The following RAB11FIP3 variants were observed in gnomAD, a reference collection of about 807,000 sequenced individuals.
The protein encoded by RAB11FIP3 is rab11 family-interacting protein 3.
Under a neutral mutation model 77.8 loss-of-function variants are expected in RAB11FIP3, and 17 were observed. The observed-to-expected ratio is 0.22, with a 90% CI of 0.15 to 0.33. The LOEUF is 0.33. Ranked by LOEUF, RAB11FIP3 falls within the 10% of genes least tolerant of loss-of-function variation. The probability of loss-of-function intolerance (pLI) is 1.00; values close to 1 mark genes in which losing one functional copy is unlikely to be tolerated. For missense variants in RAB11FIP3, 1,005 were observed against 1,011.2 expected (o/e 0.99, Z 0.08); for synonymous variants, 437 against 448.2 (o/e 0.98, Z 0.31).
rs138130141 is a variant in RAB11FIP3 at position 484,297 on chromosome 16, A to G, written c.1115+1561A>G. Among the ~76,000 whole-genome samples, 494 of 151,860 alleles carry G rather than the reference A, an allele frequency of 3.3e-3. 3 individuals carry two copies. The highest frequency in any genetic ancestry group is 0.011 in the African/African-American group (455 of 41,426). On this transcript the variant is annotated intron_variant, in intron 4 of 13. Coordinates refer to ENST00000262305, the MANE Select transcript of RAB11FIP3 (RefSeq NM_014700.4). Reference sequence around the variant, plus strand: ...GCATCTTCCTTAAGTTCCCCCACACAGGGAGGTCCTTCCTGTGCCTGGCTT... The same window carrying G: ...GCATCTTCCTTAAGTTCCCCCACACGGGGAGGTCCTTCCTGTGCCTGGCTT...
intron 4 of RAB11FIP3, among the ~76,000 whole-genome samples, chr16:484,513 G>A (rs1332171360): frequency 2.6e-5 from 4 of 152,194 alleles, no homozygotes; most frequent in East Asian, 3.9e-4. Context: ...CACCACGCCC[G>A]GCTAATATTT....
intron 9 of RAB11FIP3, among the ~76,000 whole-genome samples, chr16:511,009 G>A (rs866110681): frequency 8.6e-5 from 12 of 139,740 alleles, no homozygotes; most frequent in African/African-American, 2.2e-4. Flanking sequence ...GAAGTTCCCC[G>A]AAAGTCCGCC....
At position 425,710 on chromosome 16, in the gene RAB11FIP3, C is replaced by A. The variant is rs1596170438; in HGVS notation, c.-297C>A. 2 of 296,704 alleles carry A rather than the reference C, an allele frequency of 6.7e-6. No homozygotes were observed. The highest frequency in any genetic ancestry group is 1.4e-4 in the South Asian group (1 of 6,928). 18.4% of individuals were successfully genotyped at this position (296,704 alleles called of 1,614,324 possible). On this transcript the variant is annotated 5_prime_UTR_variant, in exon 1 of 14. Transcript: ENST00000262305. ...CGCGGCCTCCGGCCTCCTCGGCCCC[C>A]GTCCCCCGGCCTCCTCGGCCCCCGT... is the stretch of plus-strand genomic sequence containing the variant.
At chr16:499,416 G>A (rs928170680) in intron 6 of RAB11FIP3, among the ~76,000 whole-genome samples, 17 of 152,296 alleles carry the variant, frequency 1.1e-4, no homozygotes, top group East Asian at 7.7e-4. Context: ...AGGATGGGGC[G>A]CAGCCTGCAG....
chr16:511,170 C>T (rs1409959465), intron 9 of RAB11FIP3, among the ~76,000 whole-genome samples: 1 of 120,700 alleles, frequency 8.3e-6, no homozygotes, highest in Non-Finnish European at 1.7e-5. Context: ...GCCCGCCAAC[C>T]CCAGAACCTG....
intron 4 of RAB11FIP3, 31 bp downstream of exon 4, chr16:482,767 G>C (rs1307338459): frequency 1.9e-6 from 3 of 1,559,648 alleles, no homozygotes; most frequent in Non-Finnish European, 2.6e-6. Context: ...CTCCTGGAGA[G>C]GCCTTGGGAT....
intron 8 of RAB11FIP3, among the ~76,000 whole-genome samples, chr16:508,670 G>A (rs192310230): frequency 1.3e-4 from 20 of 152,066 alleles, no homozygotes; most frequent in Admixed American, 1.1e-3. Context: ...CACCGCGCCT[G>A]GCCTAGGTTT....
chr16:497,641 G>C (rs2031243924), intron 6 of RAB11FIP3, among the ~76,000 whole-genome samples: 1 of 152,176 alleles, frequency 6.6e-6, no homozygotes, highest in African/African-American at 2.4e-5. Context: ...TCCCCACACT[G>C]GTGGGTTCCT....
intron 1 of RAB11FIP3, among the ~76,000 whole-genome samples, chr16:440,997 T>TC (rs2055215769): frequency 6.6e-6 from 1 of 152,048 alleles, no homozygotes; most frequent in East Asian, 1.9e-4. Context: ...GTGGAGTGCA[T>TC]TGGTGCAATC....
At chr16:468,246 G>A (rs1273174932) in intron 2 of RAB11FIP3, among the ~76,000 whole-genome samples, 1,520 of 86,250 alleles carry the variant, frequency 0.018, no homozygotes, top group Non-Finnish European at 0.023. Context: ...AGGTGCTGGG[G>A]CGTCAGGGAG....
At position 507,815 on chromosome 16, in the gene RAB11FIP3, A is replaced by G. The variant is rs1223050573; in HGVS notation, c.1499+2188A>G. 6.6e-6 allele frequency among the ~76,000 whole-genome samples: 1 copy of G among 151,746 alleles called. No individual in the cohort carries two copies. Among genetic ancestry groups the G allele is most frequent in the African/African-American group, 2.4e-5 (1 of 41,350 alleles). ...GCCCTACCATACAGCTGCCATCCTA[A>G]GAGTACGTTTCCCGTTTTCAGTATC... On this transcript the variant is annotated intron_variant, in intron 8 of 13. Coordinates refer to ENST00000262305, the MANE Select transcript of RAB11FIP3 (RefSeq NM_014700.4). This position sits in a 1 kb window ranked among gnomAD's most constrained non-coding sequence, Gnocchi z 4.6.
rs372911361 is a variant in RAB11FIP3 at position 515,425 on chromosome 16, A to C, written c.1641-3518A>C. Among the ~76,000 whole-genome samples the C allele has an allele frequency of 3.3e-5, 5 of 152,110 alleles. No individual in the cohort carries two copies. The East Asian group carries it at 9.7e-4, about 29-fold the overall frequency. ...CACAGCTGCACACACTCCTAACGCA[A>C]ACAACACCCTGCGCCAGCAGCTACA... is the stretch of plus-strand genomic sequence containing the variant. On this transcript the variant is annotated intron_variant, in intron 9 of 13. Transcript: ENST00000262305.
chr16:467,180 G>T (rs903833504), intron 2 of RAB11FIP3, among the ~76,000 whole-genome samples: 3 of 152,182 alleles, frequency 2.0e-5, no homozygotes, highest in Non-Finnish European at 2.9e-5. Flanking sequence ...CCCTGAGAAC[G>T]TCTGGGATGG....
intron 5 of RAB11FIP3, among the ~76,000 whole-genome samples, chr16:489,349 G>A (rs2029964778): frequency 1.3e-5 from 2 of 152,214 alleles, no homozygotes; most frequent in Non-Finnish European, 2.9e-5. Flanking sequence ...ATGATCATAA[G>A]TGAGTCTTCA....
chr16:434,436 T>A (rs1289949965), intron 1 of RAB11FIP3, among the ~76,000 whole-genome samples: 1 of 151,888 alleles, frequency 6.6e-6, no homozygotes. Flanking sequence ...ATGTATACTT[T>A]ATTTTTTTGA....
At chr16:503,897 A>G (rs1009882952) in intron 7 of RAB11FIP3, among the ~76,000 whole-genome samples, 14 of 149,672 alleles carry the variant, frequency 9.4e-5, no homozygotes, top group Non-Finnish European at 1.9e-4. Context: ...GCACCCCCTC[A>G]CCTTCTGTGA....
intron 8 of RAB11FIP3, 126 bp from the exon 9 acceptor site, chr16:510,534 C>G: frequency 1.8e-6 from 2 of 1,140,596 alleles, no homozygotes; most frequent in South Asian, 3.2e-5. Flanking sequence ...CGGGGATGCC[C>G]TTCTCGGTGC....
At chr16:518,821 C>T (rs1302757855) in intron 9 of RAB11FIP3, 122 bp from the exon 10 acceptor site, 4 of 889,090 alleles carry the variant, frequency 4.5e-6, no homozygotes, top group East Asian at 4.8e-5. Flanking sequence ...TGGCCCTGGT[C>T]GTTTGGGGGC....
intron 9 of RAB11FIP3, among the ~76,000 whole-genome samples, chr16:516,750 G>A (rs1236048610): frequency 2.6e-5 from 4 of 152,198 alleles, no homozygotes; most frequent in Admixed American, 6.5e-5. Flanking sequence ...GGTGGCGGCC[G>A]CCCGTAATCC....
Sources: gnomAD v4.1 joint callset for allele counts (sites outside exome capture counted in the v4.1 genomes callset) on GRCh38, gnomAD v4.1.1 for gene constraint, Gnocchi (gnomAD v3.1) non-coding constraint, MANE v1.5 for transcripts, NCBI Gene and HGNC (gene_info 2026-07-23, HGNC 2026-07-21) for gene names.